Variants in NALCN observed in about 807,000 individuals in gnomAD.
The protein encoded by NALCN is sodium leak channel NALCN.
NALCN carries 111 observed loss-of-function variants against 225.3 expected under a neutral mutation model. The ratio of observed to expected loss-of-function variants is 0.49; its 90% CI spans 0.42 to 0.58. The LOEUF (loss-of-function observed/expected upper bound fraction) is 0.58, where lower values mean the gene tolerates loss of function less well. NALCN is among the 20% of genes least tolerant of loss of function. The probability of loss-of-function intolerance (pLI) is 0.00; values close to 1 mark genes in which losing one functional copy is unlikely to be tolerated. For missense variants in NALCN, 1,378 were observed against 2,202.4 expected (o/e 0.63, Z 7.49); for synonymous variants, 764 against 769.0 (o/e 0.99, Z 0.11).
chr13:101,252,023 G>C (rs1309206117), intron 11 of NALCN, among the ~76,000 whole-genome samples: 3 of 152,164 alleles, frequency 2.0e-5, no homozygotes, highest in Non-Finnish European at 4.4e-5. Context: ...CTTGGAAATT[G>C]TTCTTAATTT....
chr13:101,391,508 C>A (rs1271489194), intron 3 of NALCN, among the ~76,000 whole-genome samples: 1 of 150,532 alleles, frequency 6.6e-6, no homozygotes, highest in African/African-American at 2.4e-5. Context: ...CATAGCAAGA[C>A]CCTGTCTCTA....
At chr13:101,093,126 A>G (rs1036150486) in intron 28 of NALCN, among the ~76,000 whole-genome samples, 1 of 152,134 alleles carries the variant, frequency 6.6e-6, no homozygotes, top group Non-Finnish European at 1.5e-5. Context: ...CCTCCTCTTA[A>G]AATAAATCAC....
intron 38 of NALCN, 145 bp from the exon 39 acceptor site, chr13:101,068,178 A>C: frequency 1.6e-6 from 1 of 608,930 alleles, no homozygotes; most frequent in Non-Finnish European, 2.8e-6. Context: ...ATGGTTTCCA[A>C]ATTGGCATGT....
intron 13 of NALCN, among the ~76,000 whole-genome samples, chr13:101,210,145 G>A (rs111581120): frequency 1.3e-5 from 2 of 152,236 alleles, no homozygotes; most frequent in African/African-American, 4.8e-5. Flanking sequence ...CAGCCCATTA[G>A]CTTCCATTTG....
chr13:101,107,771 A>G lies in NALCN; in HGVS notation c.2383T>C (p.Tyr795His), dbSNP rs1378076118. 1.2e-6 allele frequency: 2 copies of G among 1,613,496 alleles called. No homozygotes were observed. The highest frequency in any genetic ancestry group is 2.7e-5 in the African/African-American group (2 of 74,914). The change falls in exon 21 of 44, where the codon TAT (tyrosine) becomes CAT (histidine). Residue 795 changes from tyrosine (Y) to histidine (H), a missense_variant. Physicochemically the swap from Tyr to His is moderately conservative, Grantham distance 83. Around this residue, in one of 19 missense-constraint regions of NALCN, gnomAD observed 66 missense variants for 85.7 expected, o/e 0.77. Transcript: ENST00000251127. ...CTGTCTTCTCTTTGTGCATTTCTATATCTCACTGTATTGGAATGCTAGAAA... is the reference window on the plus strand; with the variant it reads ...CTGTCTTCTCTTTGTGCATTTCTATGTCTCACTGTATTGGAATGCTAGAAA... ...LTQDHSNTVRYRNAQREDSEI... is the reference protein window; with the variant it reads ...LTQDHSNTVRHRNAQREDSEI...
chr13:101,416,480 C>A lies in NALCN; in HGVS notation c.-207G>T, dbSNP rs1283270195. On this transcript the variant is annotated 5_prime_UTR_variant, in exon 1 of 44. Transcript: ENST00000251127. ...GCAGCGCGCTCGGCCCGGCTGGGGC[C>A]GCGGCTCACGCTCGCCGTGTCACTC... is the stretch of plus-strand genomic sequence containing the variant. The A allele has an allele frequency of 2.0e-5, 3 of 151,842 alleles. No homozygotes were observed. The highest frequency in any genetic ancestry group is 3.9e-4 in the East Asian group (2 of 5,142). The allele number at this position is 151,842 out of a possible 1,614,324, so 9.4% of individuals were successfully genotyped here. A position where few individuals can be genotyped will look rare whatever the true frequency, so the allele number is the denominator to read the frequency against.
At chr13:101,269,392 C>T (rs967106880) in intron 10 of NALCN, among the ~76,000 whole-genome samples, 2 of 152,052 alleles carry the variant, frequency 1.3e-5, no homozygotes, top group African/African-American at 2.4e-5. Context: ...AAAGTAGCCT[C>T]GGGGGTGAAA....
At chr13:101,207,610 T>C (rs1221040786) in intron 13 of NALCN, among the ~76,000 whole-genome samples, 3 of 152,186 alleles carry the variant, frequency 2.0e-5, no homozygotes, top group African/African-American at 7.2e-5. Flanking sequence ...CTTGGAGAAC[T>C]TTTCTGTCTA....
At chr13:101,085,013 T>G (rs2033861712) in intron 30 of NALCN, among the ~76,000 whole-genome samples, 1 of 152,188 alleles carries the variant, frequency 6.6e-6, no homozygotes, top group Non-Finnish European at 1.5e-5. Context: ...GGTGTGAAAA[T>G]GTATCTAATG....
chr13:101,353,803 A>ATT (rs138635491), intron 6 of NALCN, among the ~76,000 whole-genome samples: 4 of 152,142 alleles, frequency 2.6e-5, no homozygotes, highest in African/African-American at 9.7e-5. Flanking sequence ...AAAATTAAGT[A>ATT]TTTTTTCAAA....
chr13:101,391,714 G>A (rs1269040725), intron 3 of NALCN, among the ~76,000 whole-genome samples: 1 of 151,606 alleles, frequency 6.6e-6, no homozygotes, highest in Admixed American at 6.6e-5. Flanking sequence ...GTCTGCCACA[G>A]TGGCTCACGC....
intron 13 of NALCN, among the ~76,000 whole-genome samples, chr13:101,195,058 C>A (rs1042591903): frequency 6.6e-6 from 1 of 151,900 alleles, no homozygotes; most frequent in African/African-American, 2.4e-5. Context: ...GGTGTGTAAG[C>A]AAAATATGGT....
At chr13:101,171,508 G>A (rs1040845849) in intron 15 of NALCN, among the ~76,000 whole-genome samples, 9 of 151,982 alleles carry the variant, frequency 5.9e-5, no homozygotes, top group South Asian at 4.2e-4. Flanking sequence ...TGGTTTCTAC[G>A]TACTTCAATA....
At chr13:101,140,276 A>G (rs1185576110) in intron 17 of NALCN, among the ~76,000 whole-genome samples, 1 of 152,194 alleles carries the variant, frequency 6.6e-6, no homozygotes, top group Non-Finnish European at 1.5e-5. Context: ...GGGGCGGGCC[A>G]CATTCTCTTT....
chr13:101,157,449 T>C (rs2037959163), intron 15 of NALCN, among the ~76,000 whole-genome samples: 1 of 152,096 alleles, frequency 6.6e-6, no homozygotes, highest in Non-Finnish European at 1.5e-5. Context: ...ATGCCAGGAA[T>C]GTCTCACCTC....
chr13:101,133,080 A>G (rs1261245698), intron 17 of NALCN, among the ~76,000 whole-genome samples: 1 of 152,146 alleles, frequency 6.6e-6, no homozygotes, highest in Non-Finnish European at 1.5e-5. Flanking sequence ...CTCTCAATCA[A>G]TCAGAATATT....
At chr13:101,121,990 T>C (rs555228870) in intron 18 of NALCN, among the ~76,000 whole-genome samples, 6 of 151,966 alleles carry the variant, frequency 3.9e-5, no homozygotes, top group African/African-American at 1.4e-4. Flanking sequence ...TTTTTCTCCC[T>C]CTTTTTTTCC....
Position 101,055,017 on chromosome 13 carries a change from A to C in NALCN, c.*278T>G, listed in dbSNP as rs1000707818. ...ATATACCTTAGTTTACGCAGACAGA[A>C]TATATGACATTTTTAAGTGATATAC... On this transcript the variant is annotated 3_prime_UTR_variant, in exon 44 of 44. Coordinates refer to ENST00000251127, the MANE Select transcript of NALCN (RefSeq NM_052867.4). The C allele has an allele frequency of 1.6e-5, 7 of 426,158 alleles. 1 individual carries two copies. The highest frequency in any genetic ancestry group is 4.0e-5 in the African/African-American group (2 of 50,002). 26.4% of individuals were successfully genotyped at this position (426,158 alleles called of 1,614,324 possible).
chr13:101,082,652 C>T (rs927844521), intron 33 of NALCN, among the ~76,000 whole-genome samples, 157 bp downstream of exon 33: 4 of 152,100 alleles, frequency 2.6e-5, no homozygotes, highest in Admixed American at 6.6e-5. Flanking sequence ...TGTCTTTGTT[C>T]GAGTTAAGCA....
Sources: gnomAD v4.1 joint callset for allele counts (sites outside exome capture counted in the v4.1 genomes callset) on GRCh38, gnomAD v4.1.1 for gene constraint, gnomAD v4.1.1 regional missense constraint, MANE v1.5 for transcripts, NCBI Gene and HGNC (gene_info 2026-07-23, HGNC 2026-07-21) for gene names.